MTAP: variants seen among roughly 807,000 people sequenced by gnomAD.
MTAP encodes methylthioadenosine phosphorylase.
Under a neutral mutation model 33.6 loss-of-function variants are expected in MTAP, and 33 were observed. The observed-to-expected ratio is 0.98, with a 90% confidence interval of 0.74 to 1.31. MTAP has a LOEUF of 1.31. MTAP is among the 40% of genes most tolerant of loss of function. The pLI, the probability that MTAP is intolerant of heterozygous loss-of-function variation, is 0.00. For missense variants in MTAP, 367 were observed against 360.0 expected, an observed-to-expected ratio of 1.02 and a Z score of -0.16; for synonymous variants, 148 against 125.7, an observed-to-expected ratio of 1.18 and a Z score of -1.19.
rs1825600216 is a variant in MTAP at position 21,854,868 on chromosome 9, G to A, written c.688G>A (p.Ala230Thr). The A allele has an allele frequency of 1.9e-6, 3 of 1,614,004 alleles. No homozygotes were observed. The highest frequency in any genetic ancestry group is 2.5e-6 in the Non-Finnish European group (3 of 1,179,858). Residue 230 changes from alanine to threonine, a missense_variant and splice_region_variant, in exon 6 of 8, where the codon GCA (alanine) becomes ACA (threonine). Coordinates refer to ENST00000644715, the MANE Select transcript of MTAP (RefSeq NM_002451.4). The part of the protein sequence containing the change: ...DYDCWKEHEE[A>T]VSVDRVLKTL... Reference sequence around the variant, plus strand: ...TGACTGCTGGAAGGAGCACGAGGAAGCAGTAGGTGGAATTCTTTTCTAAGC... The same window carrying A: ...TGACTGCTGGAAGGAGCACGAGGAAACAGTAGGTGGAATTCTTTTCTAAGC...
chr9:21,920,444 A>G (rs1818769615), intron 1 of MTAP, among the ~76,000 whole-genome samples: 1 of 152,138 alleles, frequency 6.6e-6, no homozygotes, highest in East Asian at 1.9e-4. Flanking sequence ...AGCATGGGCA[A>G]ATTCAGGTTT....
At chr9:21,838,144 T>C (rs1284018549) in intron 5 of MTAP, 134 bp downstream of exon 5, 1 of 663,956 alleles carries the variant, frequency 1.5e-6, no homozygotes, top group Non-Finnish European at 2.6e-6. Flanking sequence ...CAAAGTTTTA[T>C]GAAGAGTTAT....
At chr9:21,867,455 G>A (rs1825871217), downstream of MTAP, among the ~76,000 whole-genome samples, 1 of 151,954 alleles carries the variant, frequency 6.6e-6, no homozygotes, top group African/African-American at 2.4e-5. Flanking sequence ...CTTTTATTTT[G>A]TTAATGTAGA....
chr9:21,917,136 A>T (rs926144774), intron 1 of MTAP, among the ~76,000 whole-genome samples: 1 of 152,216 alleles, frequency 6.6e-6, no homozygotes, highest in Non-Finnish European at 1.5e-5. Context: ...CTGAATGAGG[A>T]AGGCTTTGGG....
At chr9:21,935,101 TTGTC>T (rs1169899958), downstream of MTAP, 4 of 152,270 alleles carry the variant, frequency 2.6e-5, no homozygotes, top group East Asian at 1.9e-4. Context: ...TTGACTAGCT[TTGTC>T]TGTCTAATGA....
chr9:21,926,356 C>T (rs1448394677), intron 1 of MTAP, among the ~76,000 whole-genome samples: 1 of 152,014 alleles, frequency 6.6e-6, no homozygotes, highest in East Asian at 1.9e-4. Flanking sequence ...AGCAATGGAG[C>T]AATGGACAAT....
chr9:21,895,150 G>C (rs1489009667), intron 1 of MTAP, among the ~76,000 whole-genome samples: 1 of 152,076 alleles, frequency 6.6e-6, no homozygotes, highest in Non-Finnish European at 1.5e-5. Context: ...TGCCAATGAC[G>C]TTTTTCATAG....
Position 21,864,267 on chromosome 9 carries a change from A to G in MTAP, c.*2253A>G, listed in dbSNP as rs888711312. On this transcript the variant is annotated 3_prime_UTR_variant, in exon 8 of 8. Coordinates refer to ENST00000644715, the MANE Select transcript of MTAP (RefSeq NM_002451.4). ...ATCATTCACTCCTTATGCAAAGCCA[A>G]TATAATTTTCCTCATACCTTATGCT... 4 of 985,270 alleles carry G rather than the reference A, an allele frequency of 4.1e-6. No individual in the cohort carries two copies. Among genetic ancestry groups the G allele is most frequent in the Non-Finnish European group, 4.8e-6 (4 of 829,920 alleles). The allele number at this position is 985,270 out of a possible 1,614,324, so 61.0% of individuals were successfully genotyped here.
At chr9:21,834,928 T>A (rs575513085) in intron 4 of MTAP, among the ~76,000 whole-genome samples, 2 of 152,310 alleles carry the variant, frequency 1.3e-5, no homozygotes, top group South Asian at 4.1e-4. Flanking sequence ...AGCCTTGTTT[T>A]TATATTTAAG....
At chr9:21,833,702 T>A (rs1165671166) in intron 4 of MTAP, among the ~76,000 whole-genome samples, 1 of 152,238 alleles carries the variant, frequency 6.6e-6, no homozygotes, top group African/African-American at 2.4e-5. Flanking sequence ...TTGTTGTGGA[T>A]ACAGACCGTA....
In MTAP at chr9:21,837,947, T is replaced by G; in HGVS notation, c.387T>G (p.His129Gln). Residue 129 changes from histidine (H) to glutamine (Q), a missense_variant, in exon 5 of 8, where the codon CAT (histidine) becomes CAG (glutamine). By Grantham distance (24) the His-to-Gln change is conservative. Coordinates refer to ENST00000644715, the MANE Select transcript of MTAP (RefSeq NM_002451.4). ...CTCAGTCCTTCTATGATGGAAGTCA[T>G]TCTTGTGCCAGAGGAGTGTGCCATA... is the stretch of plus-strand genomic sequence containing the variant. ...MRPQSFYDGS[H>Q]SCARGVCHIP... 6.2e-7 allele frequency: 1 copy of G among 1,614,158 alleles called. No individual in the cohort carries two copies. Among genetic ancestry groups the G allele is most frequent in the South Asian group, 1.1e-5 (1 of 91,076 alleles).
intron 1 of MTAP, chr9:21,803,034 A>ACAC: frequency 9.8e-7 from 1 of 1,021,338 alleles, no homozygotes. Context: ...ACACACACAC[A>ACAC]CACCACCTTT....
rs767960835 is a variant in MTAP, at chr9:21,862,005, A to C, written c.843A>C (p.Pro281=). ...TGGCCCAGTTTTCTGTTTTATTACC[A>C]AGACATTAAAGTAGCATGGCTGCCC... ...KNMAQFSVLL[P]RH is the part of the protein sequence containing the mutation. Residue 281 remains proline, a synonymous_variant, in exon 8 of 8, where the codon CCA becomes CCC. Coordinates refer to ENST00000644715, the MANE Select transcript of MTAP (RefSeq NM_002451.4). 1.9e-6 allele frequency: 3 copies of C among 1,611,428 alleles called. No individual in the cohort carries two copies. The highest frequency in any genetic ancestry group is 1.7e-5 in the Admixed American group (1 of 59,996).
chr9:21,816,238 C>G (rs1024090066), intron 2 of MTAP, among the ~76,000 whole-genome samples: 1 of 152,150 alleles, frequency 6.6e-6, no homozygotes, highest in Admixed American at 6.5e-5. Flanking sequence ...TTAAACCCCT[C>G]GGTTCTAAGG....
intron 4 of MTAP, among the ~76,000 whole-genome samples, chr9:21,822,244 C>T (rs1415071184): frequency 6.6e-6 from 1 of 152,168 alleles, no homozygotes; most frequent in African/African-American, 2.4e-5. Flanking sequence ...TTAGATCTCT[C>T]TTGCTTTCTC....
At chr9:21,928,164 G>A (rs1459765283) in intron 1 of MTAP, among the ~76,000 whole-genome samples, 1 of 152,168 alleles carries the variant, frequency 6.6e-6, no homozygotes, top group Non-Finnish European at 1.5e-5. Context: ...GGTACATGTT[G>A]GGAGAACTTC....
At chr9:21,869,141 C>T (rs561546512), downstream of MTAP, among the ~76,000 whole-genome samples, 2 of 152,228 alleles carry the variant, frequency 1.3e-5, no homozygotes, top group Admixed American at 6.5e-5. Context: ...TTCTTGACCC[C>T]AATTCTATGT....
chr9:21,920,865 G>A (rs1460642746), intron 1 of MTAP, among the ~76,000 whole-genome samples: 1 of 152,070 alleles, frequency 6.6e-6, no homozygotes, highest in Non-Finnish European at 1.5e-5. Context: ...AGAAATATTG[G>A]CCTAACACTC....
intron 1 of MTAP, among the ~76,000 whole-genome samples, chr9:21,910,655 TG>T (rs1476999966): frequency 6.6e-6 from 1 of 152,172 alleles, no homozygotes; most frequent in Non-Finnish European, 1.5e-5. Flanking sequence ...GGAGATATTG[TG>T]GGGGGAGTCC....
Sources: gnomAD v4.1 joint callset for allele counts (sites outside exome capture counted in the v4.1 genomes callset) on GRCh38, gnomAD v4.1.1 for gene constraint, MANE v1.5 for transcripts, NCBI Gene and HGNC (gene_info 2026-07-23, HGNC 2026-07-21) for gene names.